DYTN: variants seen among roughly 807,000 people sequenced by gnomAD.
DYTN encodes the protein dystrotelin.
A neutral mutation model predicts 69.6 loss-of-function variants in DYTN; 75 were observed. That is an observed-to-expected ratio of 1.08 (90% CI 0.89 to 1.31). The LOEUF is 1.31. Among genes scored for constraint, DYTN ranks in the 50% most tolerant of loss-of-function variants. The pLI, the probability that DYTN is intolerant of heterozygous loss-of-function variation, is 0.00. For missense variants in DYTN, 726 were observed against 688.4 expected (o/e 1.05, Z -0.61); for synonymous variants, 252 against 249.1 (o/e 1.01, Z -0.11).
chr2:206,683,339 C>CTT lies in DYTN; in HGVS notation c.980+9834_980+9835dup, dbSNP rs10531348. On this transcript the variant is annotated intron_variant, in intron 9 of 11. Transcript: ENST00000452335. ...TCCTCACCTCTTCTTTTTACTTTTT[C>CTT]TTTTTTTTTTTTTTTTTTTTTTGAG... Among the ~76,000 whole-genome samples, 727 of 111,886 alleles carry CTT rather than the reference C, an allele frequency of 6.5e-3. 6 individuals carry two copies. The highest frequency in any genetic ancestry group is 8.5e-3 in the African/African-American group (268 of 31,384). 73.4% of individuals were successfully genotyped at this position (111,886 alleles called of 152,430 possible). A position where few individuals can be genotyped will look rare whatever the true frequency, so the allele number is the denominator to read the frequency against.
chr2:206,664,149 C>T (rs888865105), intron 10 of DYTN, among the ~76,000 whole-genome samples: 3 of 151,598 alleles, frequency 2.0e-5, no homozygotes, highest in African/African-American at 7.3e-5. Context: ...AAAATATGAA[C>T]ACATGTCTTT....
intron 5 of DYTN, among the ~76,000 whole-genome samples, chr2:206,703,096 G>C (rs1243503438): frequency 6.6e-6 from 1 of 152,134 alleles, no homozygotes; most frequent in African/African-American, 2.4e-5. Flanking sequence ...TGATGCCTGG[G>C]GTGCGGGTAG....
intron 9 of DYTN, among the ~76,000 whole-genome samples, chr2:206,670,170 A>G (rs767351057): frequency 1.1e-4 from 17 of 152,262 alleles, no homozygotes; most frequent in Non-Finnish European, 2.4e-4. Flanking sequence ...AGAAGAAGGT[A>G]AAACACATAC....
In DYTN at chr2:206,651,829, T is replaced by G. The variant is rs1400041412; in HGVS notation, c.1726A>C (p.Asn576His). The change falls in exon 12 of 12, where the codon AAT becomes CAT. Residue 576 changes from asparagine to histidine, a missense_variant. Coordinates refer to ENST00000452335, the MANE Select transcript of DYTN (RefSeq NM_001093730.1). ...SALVDQIALP[N>H]LK ...GCCTGGACTCCATTTCACTTCAAAT[T>G]GGGCAAGGCAATTTGATCAACAAGG... 2 of 1,613,544 alleles carry G rather than the reference T, an allele frequency of 1.2e-6. No individual in the cohort carries two copies. Among genetic ancestry groups the G allele is most frequent in the Admixed American group, 1.7e-5 (1 of 60,006 alleles).
At chr2:206,664,510 A>T (rs1229040835) in intron 10 of DYTN, among the ~76,000 whole-genome samples, 1 of 151,892 alleles carries the variant, frequency 6.6e-6, no homozygotes, top group East Asian at 1.9e-4. Context: ...TAAAAATAAA[A>T]ATTAGCTGGG....
intron 1 of DYTN, 111 bp from the exon 2 acceptor site, chr2:206,710,709 G>A: frequency 6.1e-6 from 5 of 817,176 alleles, no homozygotes; most frequent in South Asian, 4.8e-5. Context: ...TTGCAGGTGA[G>A]GAAATTAAGG....
chr2:206,667,119 C>T (rs139301099), intron 9 of DYTN, among the ~76,000 whole-genome samples: 6 of 152,294 alleles, frequency 3.9e-5, no homozygotes, highest in African/African-American at 7.2e-5. Flanking sequence ...TGTTGCTCTT[C>T]TGCTCAGAAC....
At chr2:206,707,222 T>C in intron 3 of DYTN, 80 bp downstream of exon 3, 6 of 1,505,702 alleles carry the variant, frequency 4.0e-6, no homozygotes, top group Non-Finnish European at 5.4e-6. Context: ...CAAGCAAATA[T>C]TAGCCAGCAC....
At chr2:206,657,684 A>G (rs571357212) in intron 11 of DYTN, among the ~76,000 whole-genome samples, 2 of 152,288 alleles carry the variant, frequency 1.3e-5, no homozygotes, top group South Asian at 4.1e-4. Flanking sequence ...CACTTTGAAT[A>G]TATTATCCCA....
At chr2:206,673,537 T>C (rs1465696876) in intron 9 of DYTN, among the ~76,000 whole-genome samples, 2 of 152,186 alleles carry the variant, frequency 1.3e-5, no homozygotes, top group Non-Finnish European at 2.9e-5. Flanking sequence ...GTTACAGGCA[T>C]GAGCCACCAC....
chr2:206,704,942 AGC>A lies in DYTN; in HGVS notation c.383-1_383del. The A allele has an allele frequency of 1.2e-6, 2 of 1,612,918 alleles. No homozygotes were observed. The highest frequency in any genetic ancestry group is 1.7e-6 in the Non-Finnish European group (2 of 1,179,206). On this transcript the variant is annotated splice_acceptor_variant and coding_sequence_variant, in exon 5 of 12. Coordinates refer to ENST00000452335, the MANE Select transcript of DYTN (RefSeq NM_001093730.1). LOFTEE classifies it high-confidence loss of function. ...TATTTTCTGCATAGAGTTGAAAAAG[AGC>A]TAGACATGTAGGAGGAACAATCTTT... is the stretch of plus-strand genomic sequence containing the variant.
At chr2:206,659,671 T>C (rs1054459577) in intron 11 of DYTN, among the ~76,000 whole-genome samples, 5 of 152,110 alleles carry the variant, frequency 3.3e-5, no homozygotes, top group African/African-American at 7.2e-5. Context: ...TGGTATACTT[T>C]TAGTAAGTAT....
intron 11 of DYTN, among the ~76,000 whole-genome samples, chr2:206,655,669 C>CA (rs1270946545): frequency 4.0e-5 from 6 of 151,850 alleles, no homozygotes; most frequent in African/African-American, 1.5e-4. Context: ...ATTGGTCCTC[C>CA]CACCTCAGCC....
chr2:206,697,212 G>A (rs1190540798), intron 7 of DYTN, among the ~76,000 whole-genome samples: 1 of 152,138 alleles, frequency 6.6e-6, no homozygotes, highest in African/African-American at 2.4e-5. Flanking sequence ...ACTACCTACA[G>A]GTATATGAGA....
Position 206,694,922 on chromosome 2 carries a change from G to GGAA in DYTN, c.720-46_720-45insTTC, listed in dbSNP as rs1553575290. On this transcript the variant is annotated intron_variant, in intron 7 of 11. Coordinates refer to ENST00000452335, the MANE Select transcript of DYTN (RefSeq NM_001093730.1). ...CACAGCTTACGTCACTAGTAGATGA[G>GGAA]AAAAAAAAAAAAAAAAGAATATCCA... 4 of 714,802 alleles carry GGAA rather than the reference G, an allele frequency of 5.6e-6. No homozygotes were observed. The African/African-American group carries it at 9.1e-5, about 16-fold the overall frequency. The allele number at this position is 714,802 out of a possible 1,614,324, so 44.3% of individuals were successfully genotyped here.
chr2:206,713,793 C>T (rs1033480429), intron 1 of DYTN, among the ~76,000 whole-genome samples: 6 of 152,204 alleles, frequency 3.9e-5, no homozygotes, highest in Admixed American at 3.3e-4. Flanking sequence ...CACACACAAG[C>T]AAGCTCTGAA....
intron 11 of DYTN, 92 bp downstream of exon 11, chr2:206,662,811 C>A: frequency 6.6e-7 from 1 of 1,511,660 alleles, no homozygotes. Context: ...ACTAGATGAA[C>A]TGGAGCTGTT....
intron 11 of DYTN, among the ~76,000 whole-genome samples, chr2:206,657,470 A>T (rs1699463013): frequency 6.6e-6 from 1 of 151,974 alleles, no homozygotes; most frequent in Admixed American, 6.6e-5. Context: ...ATCACAATTT[A>T]CTTATTTTTG....
At chr2:206,696,615 A>C (rs1291900087) in intron 7 of DYTN, among the ~76,000 whole-genome samples, 1 of 152,188 alleles carries the variant, frequency 6.6e-6, no homozygotes, top group Non-Finnish European at 1.5e-5. Context: ...GAGGAAACTG[A>C]ATTAAAGAGA....
Sources: allele counts gnomAD v4.1 joint callset (sites outside exome capture counted in the v4.1 genomes callset), GRCh38; gene constraint gnomAD v4.1.1; transcripts MANE v1.5; gene names NCBI Gene and HGNC (gene_info 2026-07-23, HGNC 2026-07-21).